The following CDH18 variants were observed in gnomAD, a reference collection of about 807,000 sequenced individuals.
The protein encoded by CDH18 is cadherin 18, also known as cadherin-18.
CDH18 carries 31 observed loss-of-function variants against 67.9 expected under a neutral mutation model. The observed-to-expected ratio is 0.46, with a 90% CI of 0.34 to 0.62. The LOEUF (loss-of-function observed/expected upper bound fraction) is 0.62. Ranked by LOEUF, CDH18 falls within the 20% of genes least tolerant of loss-of-function variation. CDH18 has a pLI of 0.01. For missense variants in CDH18, 890 were observed against 975.5 expected, an observed-to-expected ratio of 0.91 and a Z score of 1.17; for synonymous variants, 362 against 347.2, an observed-to-expected ratio of 1.04 and a Z score of -0.48.
At chr5:20,085,129 C>T (rs1031844593) in intron 2 of CDH18, among the ~76,000 whole-genome samples, 1 of 152,166 alleles carries the variant, frequency 6.6e-6, no homozygotes, top group East Asian at 1.9e-4. Context: ...ATGCTGTTAA[C>T]AGCACCCAAG....
intron 3 of CDH18, among the ~76,000 whole-genome samples, chr5:19,759,222 A>T (rs1430969930): frequency 3.3e-5 from 5 of 152,216 alleles, no homozygotes; most frequent in African/African-American, 1.2e-4. Flanking sequence ...ATTCTCCAAG[A>T]TCCACCTGTT....
chr5:19,818,735 T>C, intron 3 of CDH18, among the ~76,000 whole-genome samples: 1 of 152,162 alleles, frequency 6.6e-6, no homozygotes, highest in East Asian at 1.9e-4. Flanking sequence ...TGTAACACAA[T>C]AATAAGTATA....
At chr5:20,242,146 A>G (rs1742976429) in intron 2 of CDH18, among the ~76,000 whole-genome samples, 1 of 151,758 alleles carries the variant, frequency 6.6e-6, no homozygotes, top group Admixed American at 6.6e-5. Context: ...AGTTTTTTAA[A>G]TTTTATTCTT....
Position 19,548,487 on chromosome 5 carries a change from G to C in CDH18, c.1254-4482C>G, listed in dbSNP as rs369030461. On this transcript the variant is annotated intron_variant, in intron 8 of 12. Coordinates refer to ENST00000382275, the MANE Select transcript of CDH18 (RefSeq NM_004934.5). ...AGAGGAAATACTTAAATGCGTATAT[G>C]AGTTATTTAACAAAGCTATCTAGTA... Among the ~76,000 whole-genome samples the C allele has an allele frequency of 9.9e-5, 15 of 152,076 alleles. No homozygotes were observed. The East Asian group carries it at 1.9e-3, about 20-fold the overall frequency.
intron 2 of CDH18, among the ~76,000 whole-genome samples, chr5:19,946,366 T>C (rs1646121994): frequency 6.6e-6 from 1 of 151,980 alleles, no homozygotes; most frequent in Admixed American, 6.6e-5. Context: ...GGAAGCACTC[T>C]AAACAAAAAT....
chr5:19,492,463 G>A (rs1741624185), intron 11 of CDH18, among the ~76,000 whole-genome samples: 3 of 152,052 alleles, frequency 2.0e-5, no homozygotes, highest in Non-Finnish European at 4.4e-5. Flanking sequence ...CACTATAGAT[G>A]TGAAGTTAAG....
At chr5:20,423,842 G>C (rs2150163045) in intron 1 of CDH18, among the ~76,000 whole-genome samples, 1 of 149,048 alleles carries the variant, frequency 6.7e-6, no homozygotes, top group South Asian at 2.1e-4. Flanking sequence ...AGCTACTCGG[G>C]AGGCTGAGGC....
chr5:20,320,942 G>A (rs979044456), intron 1 of CDH18, among the ~76,000 whole-genome samples: 1 of 152,048 alleles, frequency 6.6e-6, no homozygotes, highest in African/African-American at 2.4e-5. Flanking sequence ...GTTTGGGGTG[G>A]TGCATGGATA....
At position 19,558,227 on chromosome 5, in the gene CDH18, G is replaced by A. The variant is rs1738799497; in HGVS notation, c.1253+13352C>T. On this transcript the variant is annotated intron_variant, in intron 8 of 12. Transcript: ENST00000382275. ...ACAAATAGACAATCTAAGGTAACAT[G>A]TCAAGGAAGTAGAGAAACAAGAACA... Among the ~76,000 whole-genome samples the A allele has an allele frequency of 2.0e-5, 3 of 150,588 alleles. No individual in the cohort carries two copies. The South Asian group carries it at 6.3e-4, about 32-fold the overall frequency.
At chr5:20,557,522 T>C (rs1448444903) in intron 1 of CDH18, among the ~76,000 whole-genome samples, 1 of 152,116 alleles carries the variant, frequency 6.6e-6, no homozygotes, top group East Asian at 1.9e-4. Flanking sequence ...AGGTCTTCAT[T>C]TGAAGTGTTG....
rs529394582 is a variant in CDH18 at position 19,537,770 on chromosome 5, G to T, written c.1390+6099C>A. ...CTTGTCTTATGAATAACACTCAAAT[G>T]CCTCAAAGGCAAAATAATATTCTCA... On this transcript the variant is annotated intron_variant, in intron 9 of 12. Coordinates refer to ENST00000382275, the MANE Select transcript of CDH18 (RefSeq NM_004934.5). Among the ~76,000 whole-genome samples the T allele has an allele frequency of 7.1e-4, 108 of 152,150 alleles. 1 individual carries two copies. The South Asian group carries it at 0.022, about 30-fold the overall frequency.
At chr5:20,010,297 C>T (rs537840581) in intron 2 of CDH18, among the ~76,000 whole-genome samples, 7 of 151,850 alleles carry the variant, frequency 4.6e-5, no homozygotes, top group African/African-American at 7.2e-5. Context: ...TGCAGTGGCA[C>T]GATCTTGGTT....
chr5:20,299,200 G>A (rs987802254), intron 1 of CDH18, among the ~76,000 whole-genome samples: 3 of 152,212 alleles, frequency 2.0e-5, no homozygotes, highest in Admixed American at 1.3e-4. Context: ...ATTAGGAGGT[G>A]AGCACAGATG....
intron 4 of CDH18, among the ~76,000 whole-genome samples, chr5:19,731,683 G>A (rs1467287156): frequency 1.3e-5 from 2 of 152,104 alleles, no homozygotes; most frequent in Non-Finnish European, 2.9e-5. Context: ...TCAAATAATC[G>A]TCGAAGTATT....
chr5:20,552,778 GA>G (rs1757702996), intron 1 of CDH18, among the ~76,000 whole-genome samples: 1 of 151,130 alleles, frequency 6.6e-6, no homozygotes, highest in Non-Finnish European at 1.5e-5. Flanking sequence ...TTTTCAAACA[GA>G]GTCTTGCTCT....
intron 2 of CDH18, among the ~76,000 whole-genome samples, chr5:20,227,643 TA>T (rs1345576942): frequency 1.3e-5 from 2 of 152,054 alleles, no homozygotes; most frequent in Non-Finnish European, 2.9e-5. Flanking sequence ...ATTTTTATTT[TA>T]TTTTTTATTT....
intron 1 of CDH18, among the ~76,000 whole-genome samples, chr5:20,528,812 C>T (rs115858314): frequency 0.021 from 3,130 of 152,008 alleles, 61 homozygotes; most frequent in African/African-American, 0.042. Flanking sequence ...AAACTGACAT[C>T]CTAACATCAC....
intron 2 of CDH18, among the ~76,000 whole-genome samples, chr5:20,090,613 G>A (rs532075142): frequency 1.3e-5 from 2 of 151,950 alleles, no homozygotes; most frequent in Admixed American, 6.6e-5. Context: ...ACTCTTGATT[G>A]GAAACAAATA....
chr5:19,873,220 C>T (rs1248691243), intron 2 of CDH18, among the ~76,000 whole-genome samples: 2 of 144,084 alleles, frequency 1.4e-5, no homozygotes, highest in African/African-American at 5.0e-5. Context: ...AAAAAAAAAG[C>T]CTGAACAAGC....
Sources: allele counts gnomAD v4.1 joint callset (sites outside exome capture counted in the v4.1 genomes callset), GRCh38; gene constraint gnomAD v4.1.1; transcripts MANE v1.5; gene names NCBI Gene and HGNC (gene_info 2026-07-23, HGNC 2026-07-21).